CDH13: variants seen among roughly 807,000 people sequenced by gnomAD.
CDH13 encodes cadherin 13, also known as cadherin-13.
In CDH13, 24 loss-of-function variants were observed where a neutral mutation model predicts 63.8. The ratio of observed to expected loss-of-function variants is 0.38; its 90% CI spans 0.27 to 0.53. The LOEUF is 0.53. Among genes scored for constraint, CDH13 ranks in the 20% least tolerant of loss-of-function variants. The pLI, the probability that CDH13 is intolerant of heterozygous loss-of-function variation, is 0.85. For missense variants in CDH13, 1,049 were observed against 903.1 expected (o/e 1.16, Z -2.07); for synonymous variants, 503 against 355.3 (o/e 1.42, Z -4.67).
At chr16:82,956,948 T>C (rs939842894) in intron 2 of CDH13, among the ~76,000 whole-genome samples, 2 of 152,190 alleles carry the variant, frequency 1.3e-5, no homozygotes. Context: ...GTGGCCCCAC[T>C]GTGTCACTTA....
At chr16:82,835,862 A>C (rs1475323074) in intron 1 of CDH13, among the ~76,000 whole-genome samples, 1 of 152,174 alleles carries the variant, frequency 6.6e-6, no homozygotes, top group South Asian at 2.1e-4. Context: ...TGACAATAAA[A>C]TGAATGTATG....
At chr16:83,652,485 A>C (rs1327145170) in intron 8 of CDH13, among the ~76,000 whole-genome samples, 2 of 151,986 alleles carry the variant, frequency 1.3e-5, no homozygotes, top group Non-Finnish European at 2.9e-5. Flanking sequence ...TTCTCCATTA[A>C]CTTCAGCAAC....
At chr16:83,486,423 G>A in intron 6 of CDH13, 54 bp from the exon 7 acceptor site, 1 of 1,524,102 alleles carries the variant, frequency 6.6e-7, no homozygotes, top group Non-Finnish European at 9.0e-7. Context: ...AGGGGCTCTG[G>A]CCGTTGTTGA....
chr16:83,553,034 G>C (rs574447989), intron 7 of CDH13, among the ~76,000 whole-genome samples: 1 of 150,758 alleles, frequency 6.6e-6, no homozygotes, highest in African/African-American at 2.4e-5. Flanking sequence ...AGCTGAGATC[G>C]CGTCACTGCA....
intron 1 of CDH13, among the ~76,000 whole-genome samples, chr16:82,750,630 A>G (rs2034375259): frequency 6.6e-6 from 1 of 152,196 alleles, no homozygotes; most frequent in Non-Finnish European, 1.5e-5. Flanking sequence ...GGAAGACCTT[A>G]AATAATAGCT....
intron 5 of CDH13, among the ~76,000 whole-genome samples, chr16:83,256,032 A>G (rs1906219556): frequency 1.3e-5 from 2 of 152,122 alleles, no homozygotes; most frequent in African/African-American, 4.8e-5. Flanking sequence ...TAGCTCAATA[A>G]AAGTGATTAT....
At chr16:82,903,374 C>T (rs1022378287) in intron 2 of CDH13, among the ~76,000 whole-genome samples, 1 of 152,128 alleles carries the variant, frequency 6.6e-6, no homozygotes, top group Non-Finnish European at 1.5e-5. Flanking sequence ...GGTGTTTGAC[C>T]CTGTGAAGAG....
intron 4 of CDH13, among the ~76,000 whole-genome samples, chr16:83,161,442 A>G (rs2037439353): frequency 6.6e-6 from 1 of 152,180 alleles, no homozygotes; most frequent in African/African-American, 2.4e-5. Context: ...TTAAATGAGT[A>G]TAGGGAGGGT....
At chr16:83,263,870 C>T (rs1312450643) in intron 5 of CDH13, among the ~76,000 whole-genome samples, 1 of 152,006 alleles carries the variant, frequency 6.6e-6, no homozygotes, top group African/African-American at 2.4e-5. Flanking sequence ...CTACTTGCCA[C>T]TGAGGCTGAA....
chr16:82,971,768 C>A (rs754829712), intron 2 of CDH13, among the ~76,000 whole-genome samples: 3 of 152,146 alleles, frequency 2.0e-5, no homozygotes, highest in Non-Finnish European at 4.4e-5. Context: ...CATTTAAGTT[C>A]ATTGGATTGT....
intron 10 of CDH13, among the ~76,000 whole-genome samples, chr16:83,730,015 C>T (rs918950490): frequency 5.9e-5 from 9 of 152,294 alleles, no homozygotes; most frequent in South Asian, 4.1e-4. Flanking sequence ...TGGACCCTCA[C>T]GGTGCTATAC....
chr16:82,690,486 A>C (rs904968764), intron 1 of CDH13, among the ~76,000 whole-genome samples: 4 of 152,210 alleles, frequency 2.6e-5, no homozygotes, highest in African/African-American at 7.2e-5. Context: ...GATCCAGAAG[A>C]GGAAGCACAC....
At chr16:83,688,171 C>T (rs764369074) in intron 10 of CDH13, among the ~76,000 whole-genome samples, 1 of 152,136 alleles carries the variant, frequency 6.6e-6, no homozygotes, top group Non-Finnish European at 1.5e-5. Context: ...AATATTGGAG[C>T]TCATTCAAAG....
intron 11 of CDH13, among the ~76,000 whole-genome samples, chr16:83,779,552 G>A (rs1017111504): frequency 6.6e-6 from 1 of 151,960 alleles, no homozygotes; most frequent in African/African-American, 2.4e-5. Flanking sequence ...GCTGGGCATG[G>A]TGGCTCACGC....
At chr16:83,111,874 A>C (rs2035073921) in intron 3 of CDH13, among the ~76,000 whole-genome samples, 1 of 152,238 alleles carries the variant, frequency 6.6e-6, no homozygotes, top group African/African-American at 2.4e-5. Flanking sequence ...CTTCTCCCTG[A>C]TGAAGCATTC....
chr16:83,369,138 C>T (rs923231506), intron 6 of CDH13, among the ~76,000 whole-genome samples: 1 of 151,342 alleles, frequency 6.6e-6, no homozygotes, highest in Non-Finnish European at 1.5e-5. Context: ...AAGGAATCTC[C>T]ACACTGTTTT....
intron 2 of CDH13, among the ~76,000 whole-genome samples, chr16:83,001,129 T>C (rs139766291): frequency 1.2e-4 from 18 of 152,340 alleles, no homozygotes; most frequent in African/African-American, 4.1e-4. Flanking sequence ...TTCTAGTAGA[T>C]CGTAAGTCCC....
chr16:83,101,196 T>C (rs1298229871), intron 3 of CDH13, among the ~76,000 whole-genome samples: 1 of 151,070 alleles, frequency 6.6e-6, no homozygotes, highest in Non-Finnish European at 1.5e-5. Flanking sequence ...AATAGAAAAG[T>C]ATATAGAGGT....
At chr16:83,061,223 G>A (rs2031520661) in intron 3 of CDH13, among the ~76,000 whole-genome samples, 1 of 152,126 alleles carries the variant, frequency 6.6e-6, no homozygotes, top group Non-Finnish European at 1.5e-5. Context: ...TTCTAATTAT[G>A]TGGTCCACAC....
Sources: allele counts gnomAD v4.1 joint callset (sites outside exome capture counted in the v4.1 genomes callset), GRCh38; gene constraint gnomAD v4.1.1; transcripts MANE v1.5; gene names NCBI Gene and HGNC (gene_info 2026-07-23, HGNC 2026-07-21).